SLC25A48: variants seen among roughly 807,000 people sequenced by gnomAD.
SLC25A48 encodes solute carrier family 25 member 48.
In SLC25A48, 29 loss-of-function variants were observed where a neutral mutation model predicts 32.2. The observed-to-expected ratio is 0.90, with a 90% CI of 0.67 to 1.23. SLC25A48 has a LOEUF of 1.23. Among genes scored for constraint, SLC25A48 ranks in the 50% most tolerant of loss-of-function variants. The pLI is 0.00. For missense variants in SLC25A48, 399 were observed against 422.7 expected (o/e 0.94, Z 0.49); for synonymous variants, 164 against 172.3 (o/e 0.95, Z 0.38).
intron 3 of SLC25A48, among the ~76,000 whole-genome samples, chr5:135,774,757 G>A (rs552018260): frequency 6.6e-6 from 1 of 151,116 alleles, no homozygotes; most frequent in South Asian, 2.1e-4. Flanking sequence ...CCCCCCCCGT[G>A]ATATTGATCA....
chr5:135,721,121 A>C (rs1323825526), intron 3 of SLC25A48, among the ~76,000 whole-genome samples: 1 of 149,290 alleles, frequency 6.7e-6, no homozygotes, highest in Non-Finnish European at 1.5e-5. Flanking sequence ...AGCTCACTGC[A>C]ACCTCTGCCT....
chr5:135,747,515 C>G (rs546335430), intron 3 of SLC25A48, among the ~76,000 whole-genome samples: 3 of 152,186 alleles, frequency 2.0e-5, no homozygotes, highest in Admixed American at 6.5e-5. Flanking sequence ...TAAGATATTT[C>G]AGTCATCCCT....
chr5:135,706,416 C>T lies in SLC25A48; in HGVS notation c.-521+71460C>T, dbSNP rs146666900. Among the ~76,000 whole-genome samples the T allele has an allele frequency of 1.9e-3, 296 of 152,324 alleles. 1 individual carries two copies. The highest frequency in any genetic ancestry group is 6.6e-3 in the African/African-American group (276 of 41,566). On this transcript the variant is annotated intron_variant, in intron 3 of 10. Transcript: ENST00000646290. ...TGTTTTGGTAAAGCACTTTTAGCCT[C>T]AGGTCCCCCATCTTTAAGCTGGTTA... is the stretch of plus-strand genomic sequence containing the variant.
chr5:135,699,546 A>C (rs1454636516), intron 3 of SLC25A48, among the ~76,000 whole-genome samples: 1 of 152,216 alleles, frequency 6.6e-6, no homozygotes, highest in African/African-American at 2.4e-5. Flanking sequence ...AGCGTGATTG[A>C]AAAAGGGCAC....
rs1475779140 is a variant in SLC25A48, at chr5:135,852,632, G to C, written c.232G>C (p.Gly78Arg). Reference sequence around the variant, plus strand: ...TGCCGTCTACAACTCCGTGGTGTTTGGGGTCTTCAGTAACACGCAGCGGTT... The same window carrying C: ...TGCCGTCTACAACTCCGTGGTGTTTCGGGTCTTCAGTAACACGCAGCGGTT... The part of the protein sequence containing the change: ...SIAVYNSVVF[G>R]VFSNTQRFLS... The change falls in exon 4 of 8, where the codon GGG becomes CGG. Residue 78 changes from glycine (G) to arginine (R), a missense_variant. Coordinates refer to ENST00000681962, the MANE Select transcript of SLC25A48 (RefSeq NM_001349336.2). The C allele has an allele frequency of 6.2e-7, 1 of 1,613,602 alleles. No individual in the cohort carries two copies. Among genetic ancestry groups the C allele is most frequent in the Admixed American group, 1.7e-5 (1 of 60,012 alleles).
chr5:135,649,970 C>T (rs1159830943), intron 3 of SLC25A48: 1 of 171,890 alleles, frequency 5.8e-6, no homozygotes, highest in East Asian at 1.8e-4. Context: ...TGTAGAAAGA[C>T]AGTGAATTAA....
chr5:135,598,956 A>T (rs1207331770), intron 1 of SLC25A48, among the ~76,000 whole-genome samples: 1 of 152,106 alleles, frequency 6.6e-6, no homozygotes, highest in Non-Finnish European at 1.5e-5. Context: ...GCTGGGCTGG[A>T]TTCTATTTAA....
At chr5:135,871,016 T>C (rs1001806629) in intron 4 of SLC25A48, among the ~76,000 whole-genome samples, 1 of 151,186 alleles carries the variant, frequency 6.6e-6, no homozygotes, top group African/African-American at 2.4e-5. Context: ...AAATCTCATA[T>C]ACATTTTGCT....
At chr5:135,685,655 C>T (rs1580784093) in intron 3 of SLC25A48, among the ~76,000 whole-genome samples, 1 of 152,148 alleles carries the variant, frequency 6.6e-6, no homozygotes, top group African/African-American at 2.4e-5. Context: ...AACTCCTGAC[C>T]TCAGGTGATC....
At chr5:135,775,492 A>G (rs1756530959) in intron 3 of SLC25A48, among the ~76,000 whole-genome samples, 1 of 151,700 alleles carries the variant, frequency 6.6e-6, no homozygotes, top group Non-Finnish European at 1.5e-5. Context: ...ATTGTTTTTT[A>G]TATCCAGAGA....
At chr5:135,653,662 GAGTC>G (rs554524984) in intron 3 of SLC25A48, among the ~76,000 whole-genome samples, 91 of 152,284 alleles carry the variant, frequency 6.0e-4, no homozygotes, top group African/African-American at 2.1e-3. Flanking sequence ...GAGGTACAAA[GAGTC>G]AGAGGGAGGG....
intron 4 of SLC25A48, among the ~76,000 whole-genome samples, chr5:135,858,959 A>G (rs76630744): frequency 0.014 from 2,086 of 152,056 alleles, 39 homozygotes; most frequent in African/African-American, 0.044. Context: ...CAACTACTGG[A>G]GAAGGGAGGG....
chr5:135,640,693 TA>T (rs1420692901), intron 3 of SLC25A48, among the ~76,000 whole-genome samples: 1 of 152,120 alleles, frequency 6.6e-6, no homozygotes, highest in Non-Finnish European at 1.5e-5. Context: ...GTTTACCATT[TA>T]AAAATTAATA....
At chr5:135,874,962 C>T (rs1761937115) in intron 6 of SLC25A48, 2 of 414,922 alleles carry the variant, frequency 4.8e-6, no homozygotes, top group Non-Finnish European at 8.4e-6. Flanking sequence ...CAAGCAGCTT[C>T]ATGTCTCAGG....
At chr5:135,707,602 C>G (rs778103492) in intron 3 of SLC25A48, among the ~76,000 whole-genome samples, 4 of 152,226 alleles carry the variant, frequency 2.6e-5, no homozygotes, top group Non-Finnish European at 5.9e-5. Context: ...GCCTGGAACA[C>G]TTTCCCAGCT....
intron 1 of SLC25A48, among the ~76,000 whole-genome samples, chr5:135,595,057 C>T (rs1751612650): frequency 6.6e-6 from 1 of 152,204 alleles, no homozygotes; most frequent in Non-Finnish European, 1.5e-5. Flanking sequence ...GGATCTGAGG[C>T]TAGGCCTAGG....
At chr5:135,608,450 C>T (rs1751990104) in intron 1 of SLC25A48, among the ~76,000 whole-genome samples, 1 of 152,190 alleles carries the variant, frequency 6.6e-6, no homozygotes, top group Non-Finnish European at 1.5e-5. Context: ...CTTTTCTCTC[C>T]ATGAGCAATG....
At chr5:135,655,235 G>T (rs1412867987) in intron 3 of SLC25A48, among the ~76,000 whole-genome samples, 3 of 152,166 alleles carry the variant, frequency 2.0e-5, no homozygotes, top group Non-Finnish European at 4.4e-5. Flanking sequence ...CTTGCTGCAG[G>T]TGAGAACTTA....
Position 135,784,607 on chromosome 5 carries a change from GTTA to G in SLC25A48, c.-520-27909_-520-27907del, listed in dbSNP as rs1344742716. 4.1e-4 allele frequency among the ~76,000 whole-genome samples: 49 copies of G among 118,234 alleles called. 3 individuals are homozygous for G. The highest frequency in any genetic ancestry group is 1.2e-3 in the African/African-American group (47 of 38,892). 77.6% of individuals were successfully genotyped at this position (118,234 alleles called of 152,430 possible). ...GTTTCTAACATCCAGAGAAGGAGAG[GTTA>G]TTATTACTCTCAATATCGCATGGGG... On this transcript the variant is annotated intron_variant, in intron 3 of 10. Coordinates refer to the SLC25A48 transcript ENST00000646290.
Sources: allele counts gnomAD v4.1 joint callset (sites outside exome capture counted in the v4.1 genomes callset), GRCh38; gene constraint gnomAD v4.1.1; transcripts MANE v1.5; gene names NCBI Gene and HGNC (gene_info 2026-07-23, HGNC 2026-07-21).